The following SYNDIG1 variants were observed in gnomAD, a reference collection of about 807,000 sequenced individuals.
The protein encoded by SYNDIG1 is synapse differentiation-inducing gene protein 1.
A neutral mutation model predicts 19.4 loss-of-function variants in SYNDIG1; 9 were observed. The observed-to-expected ratio is 0.46, with a 90% CI of 0.28 to 0.81. The LOEUF (loss-of-function observed/expected upper bound fraction) is 0.81, where lower values mean the gene tolerates loss of function less well. SYNDIG1 is among the 30% of genes least tolerant of loss of function. The pLI, the probability that SYNDIG1 is intolerant of heterozygous loss-of-function variation, is 0.12. For synonymous variants in SYNDIG1, 141 were observed against 145.9 expected, an observed-to-expected ratio of 0.97 and a Z score of 0.24; for missense variants, 311 against 343.3, an observed-to-expected ratio of 0.91 and a Z score of 0.74.
chr20:24,504,580 A>C (rs2056540930), intron 1 of SYNDIG1, among the ~76,000 whole-genome samples: 2 of 151,888 alleles, frequency 1.3e-5, no homozygotes, highest in South Asian at 4.1e-4. Context: ...CTGAGGCTGT[A>C]TTGTCCCTGT....
intron 1 of SYNDIG1, chr20:24,502,214 C>T (rs1276240822): frequency 6.6e-6 from 1 of 152,444 alleles, no homozygotes; most frequent in Non-Finnish European, 1.5e-5. Flanking sequence ...CTCCCAAGTG[C>T]ACTCAGATCC....
At chr20:24,524,799 G>C (rs1191689846) in intron 1 of SYNDIG1, among the ~76,000 whole-genome samples, 1 of 152,104 alleles carries the variant, frequency 6.6e-6, no homozygotes, top group African/African-American at 2.4e-5. Context: ...CTAGAAGCAG[G>C]CTCCCTGGCT....
At chr20:24,546,194 T>A (rs959830876) in intron 2 of SYNDIG1, among the ~76,000 whole-genome samples, 1 of 152,262 alleles carries the variant, frequency 6.6e-6, no homozygotes, top group African/African-American at 2.4e-5. Context: ...TGCTTTTCAT[T>A]CCCTTCTTCG....
At chr20:24,504,258 A>G (rs948862736) in intron 1 of SYNDIG1, among the ~76,000 whole-genome samples, 1 of 152,202 alleles carries the variant, frequency 6.6e-6, no homozygotes, top group African/African-American at 2.4e-5. Context: ...GCGCCCAGCC[A>G]GGAGAGCAGT....
At chr20:24,662,407 G>A (rs13045365) in intron 3 of SYNDIG1, among the ~76,000 whole-genome samples, 42,430 of 151,926 alleles carry the variant, frequency 0.28, 7,096 homozygotes, top group East Asian at 0.62. Flanking sequence ...TCATGTTCCA[G>A]TGTGGGCTGT....
chr20:24,578,182 C>T (rs890038137), intron 2 of SYNDIG1, among the ~76,000 whole-genome samples: 7 of 152,198 alleles, frequency 4.6e-5, no homozygotes, highest in Non-Finnish European at 7.3e-5. Flanking sequence ...ATGGCTCACG[C>T]CTGTAATGCC....
At chr20:24,604,739 T>C (rs1287977158) in intron 3 of SYNDIG1, among the ~76,000 whole-genome samples, 3 of 152,116 alleles carry the variant, frequency 2.0e-5, no homozygotes, top group Non-Finnish European at 4.4e-5. Context: ...CGTTCTTTTA[T>C]TCCTTTACTT....
chr20:24,509,409 A>G (rs952074820), intron 1 of SYNDIG1, among the ~76,000 whole-genome samples: 2 of 152,182 alleles, frequency 1.3e-5, no homozygotes, highest in Admixed American at 6.5e-5. Context: ...TCCTAACAAT[A>G]CAAGGAGTTT....
chr20:24,646,800 T>A (rs1441867804), intron 3 of SYNDIG1, among the ~76,000 whole-genome samples: 1 of 152,096 alleles, frequency 6.6e-6, no homozygotes, highest in African/African-American at 2.4e-5. Flanking sequence ...TTTTGCATGT[T>A]TAGTAGAGTG....
At position 24,488,283 on chromosome 20, in the gene SYNDIG1, C is replaced by T. The variant is rs561666586; in HGVS notation, c.-79+18530C>T. Among the ~76,000 whole-genome samples the T allele has an allele frequency of 1.4e-4, 21 of 152,356 alleles. 1 individual carries two copies. In the South Asian group the frequency reaches 4.4e-3, roughly 32 times the overall value. On this transcript the variant is annotated intron_variant, in intron 1 of 3. Transcript: ENST00000376862. ...ATCCTGGCCCTGGTAAAAGGCAAGGCACCATGCGAGGCACTGCATTCACAG... is the reference window on the plus strand; with the variant it reads ...ATCCTGGCCCTGGTAAAAGGCAAGGTACCATGCGAGGCACTGCATTCACAG...
At chr20:24,470,690 C>T (rs1205639088) in intron 1 of SYNDIG1, among the ~76,000 whole-genome samples, 1 of 152,176 alleles carries the variant, frequency 6.6e-6, no homozygotes, top group Non-Finnish European at 1.5e-5. Context: ...GCTCTGGCAG[C>T]CGAGCTTTGA....
chr20:24,470,807 G>A (rs995316000), intron 1 of SYNDIG1, among the ~76,000 whole-genome samples: 1 of 152,142 alleles, frequency 6.6e-6, no homozygotes, highest in African/African-American at 2.4e-5. Flanking sequence ...AGGCTTGGGC[G>A]CTTGGCACCC....
In SYNDIG1 at chr20:24,474,442, AG is replaced by A. The variant is rs1218390329; in HGVS notation, c.-79+4691del. Among the ~76,000 whole-genome samples, 7 of 152,370 alleles carry A rather than the reference AG, an allele frequency of 4.6e-5. No individual in the cohort carries two copies. In the East Asian group the frequency reaches 1.3e-3, roughly 29 times the overall value. On this transcript the variant is annotated intron_variant, in intron 1 of 3. Coordinates refer to ENST00000376862, the MANE Select transcript of SYNDIG1 (RefSeq NM_024893.3). ...AACAGAACCAGGAAACATTAAACAC[AG>A]GTAGAAAATAATAAAAATAAAAGCT...
chr20:24,586,519 C>A (rs1406696510), intron 3 of SYNDIG1, among the ~76,000 whole-genome samples: 1 of 152,196 alleles, frequency 6.6e-6, no homozygotes. Flanking sequence ...CCATGGTGGG[C>A]AGAGCCTGCT....
At chr20:24,573,013 C>T (rs1287748932) in intron 2 of SYNDIG1, among the ~76,000 whole-genome samples, 2 of 152,128 alleles carry the variant, frequency 1.3e-5, no homozygotes, top group Non-Finnish European at 1.5e-5. Flanking sequence ...CACCTCCCAG[C>T]CCCCGTCCTG....
intron 2 of SYNDIG1, among the ~76,000 whole-genome samples, chr20:24,574,662 G>T (rs2058198598): frequency 6.6e-6 from 1 of 152,168 alleles, no homozygotes; most frequent in African/African-American, 2.4e-5. Context: ...AATGCCTATA[G>T]CTAGTTAAAA....
At chr20:24,481,393 A>T (rs1293891588) in intron 1 of SYNDIG1, among the ~76,000 whole-genome samples, 1 of 152,158 alleles carries the variant, frequency 6.6e-6, no homozygotes, top group Non-Finnish European at 1.5e-5. Flanking sequence ...CTGGACCAGG[A>T]GCACCTACAC....
chr20:24,657,973 T>G (rs2059545618), intron 3 of SYNDIG1, among the ~76,000 whole-genome samples: 1 of 152,100 alleles, frequency 6.6e-6, no homozygotes, highest in Non-Finnish European at 1.5e-5. Context: ...CGGAAGCCTG[T>G]CCCAGATCTC....
In SYNDIG1 at chr20:24,543,152, G is replaced by T. The variant is rs371244743; in HGVS notation, c.55G>T (p.Ala19Ser). The change falls in exon 2 of 4, where the codon GCT becomes TCT. Residue 19 changes from alanine to serine, a missense_variant. Ala to Ser is a moderately conservative substitution (Grantham distance 99). Transcript: ENST00000376862. ...GCTGGTGCACAGTAAAATCAGTGATGCTGGCAAGAGGAATGGTTTAATTAA... is the reference window on the plus strand; with the variant it reads ...GCTGGTGCACAGTAAAATCAGTGATTCTGGCAAGAGGAATGGTTTAATTAA... ...SMLVHSKISDAGKRNGLINTR... is the reference protein window; with the variant it reads ...SMLVHSKISDSGKRNGLINTR... 6 of 1,614,032 alleles carry T rather than the reference G, an allele frequency of 3.7e-6. No homozygotes were observed. The African/African-American group carries it at 6.7e-5, about 18-fold the overall frequency.
Sources: allele counts gnomAD v4.1 joint callset (sites outside exome capture counted in the v4.1 genomes callset), GRCh38; gene constraint gnomAD v4.1.1; transcripts MANE v1.5; gene names NCBI Gene and HGNC (gene_info 2026-07-23, HGNC 2026-07-21).